The following C2orf80 variants were observed in gnomAD, a reference collection of about 807,000 sequenced individuals.
C2orf80 encodes uncharacterized protein C2orf80.
C2orf80 carries 28 observed loss-of-function variants against 30.2 expected under a neutral mutation model. The ratio of observed to expected loss-of-function variants is 0.93; its 90% CI spans 0.69 to 1.27. The LOEUF (loss-of-function observed/expected upper bound fraction) is 1.27. Ranked by LOEUF, C2orf80 falls within the 50% of genes most tolerant of loss-of-function variation. The pLI, the probability that C2orf80 is intolerant of heterozygous loss-of-function variation, is 0.00. For missense variants in C2orf80, 220 were observed against 231.0 expected (o/e 0.95, Z 0.31); for synonymous variants, 80 against 76.4 (o/e 1.05, Z -0.24).
rs56730997 is a variant in C2orf80 at position 208,176,973 on chromosome 2, A to ATCTGTATACAGATG, written c.366+3771_366+3772insCATCTGTATACAGA. 4.3e-5 allele frequency among the ~76,000 whole-genome samples: 4 copies of ATCTGTATACAGATG among 92,240 alleles called. 1 individual carries two copies. The highest frequency in any genetic ancestry group is 1.6e-4 in the African/African-American group (4 of 25,720). The allele number at this position is 92,240 out of a possible 152,430, so 60.5% of individuals were successfully genotyped here. On this transcript the variant is annotated intron_variant, in intron 6 of 8. Coordinates refer to ENST00000341287, the MANE Select transcript of C2orf80 (RefSeq NM_001099334.3). ...CATATCTGTATACATATGTATACATATATACAGAAATGTATATGTATACAT... is the reference window on the plus strand; with the variant it reads ...CATATCTGTATACATATGTATACATATCTGTATACAGATGTATACAGAAATGTATATGTATACAT...
rs1696334307 is a variant in C2orf80, at chr2:208,176,926, CATATGTAT to C, written c.366+3811_366+3818del. On this transcript the variant is annotated intron_variant, in intron 6 of 8. Coordinates refer to ENST00000341287, the MANE Select transcript of C2orf80 (RefSeq NM_001099334.3). ...ATATCTGTGTATACATATCTGTATA[CATATGTAT>C]ACATATCTGTATACATATCTGTATA... 1.2e-4 allele frequency among the ~76,000 whole-genome samples: 10 copies of C among 80,202 alleles called. 1 individual carries two copies. In the South Asian group the frequency reaches 3.9e-3, roughly 32 times the overall value. 52.6% of individuals were successfully genotyped at this position (80,202 alleles called of 152,430 possible).
chr2:208,175,220 G>T (rs960262358), intron 6 of C2orf80, among the ~76,000 whole-genome samples: 7 of 150,760 alleles, frequency 4.6e-5, no homozygotes, highest in South Asian at 2.1e-4. Context: ...CCGGGGGGGG[G>T]GGGGGCGGAG....
chr2:208,174,243 G>T (rs1696204638), intron 6 of C2orf80, among the ~76,000 whole-genome samples: 1 of 152,046 alleles, frequency 6.6e-6, no homozygotes, highest in African/African-American at 2.4e-5. Context: ...TACTGCGCCT[G>T]GCCAATTCCT....
intron 8 of C2orf80, among the ~76,000 whole-genome samples, chr2:208,166,806 C>A (rs974129456): frequency 6.6e-6 from 1 of 152,068 alleles, no homozygotes; most frequent in Admixed American, 6.5e-5. Flanking sequence ...GGCGCCACCA[C>A]GCCCAACTAA....
intron 2 of C2orf80, among the ~76,000 whole-genome samples, chr2:208,185,929 A>T (rs1696705294): frequency 6.6e-6 from 1 of 152,210 alleles, no homozygotes; most frequent in Non-Finnish European, 1.5e-5. Context: ...ATTCCTGATC[A>T]TGGTTTGTTC....
In C2orf80 at chr2:208,172,011, G is replaced by C. The variant is rs891586455; in HGVS notation, c.431C>G (p.Ala144Gly). The change falls in exon 7 of 9, where the codon GCA becomes GGA. Residue 144 changes from alanine (A) to glycine (G), a missense_variant. By Grantham distance (60) the Ala-to-Gly change is moderately conservative. Coordinates refer to ENST00000341287, the MANE Select transcript of C2orf80 (RefSeq NM_001099334.3). ...ACTCTGTTTGCGGGCGTATGCTGCT[G>C]CTTTGGGTGCTGTTAACATGGCAAA... ...HPFAMLTAPK[A>G]AAYARKQSVK... The C allele has an allele frequency of 8.7e-6, 14 of 1,613,912 alleles. No individual in the cohort carries two copies. The highest frequency in any genetic ancestry group is 1.2e-5 in the Non-Finnish European group (14 of 1,179,804).
At chr2:208,169,269 T>TTTTGTGTGTGTG (rs1553595423) in intron 8 of C2orf80, among the ~76,000 whole-genome samples, 1 of 137,968 alleles carries the variant, frequency 7.2e-6, no homozygotes, top group South Asian at 2.4e-4. Flanking sequence ...AAAGTCTAGA[T>TTTTGTGTGTGTG]TGTGTGTGTG....
intron 3 of C2orf80, 139 bp downstream of exon 3, chr2:208,184,812 G>T: frequency 1.7e-6 from 1 of 593,928 alleles, no homozygotes; most frequent in Non-Finnish European, 3.0e-6. Flanking sequence ...ATCTCAGGGT[G>T]AGGGGAAGAT....
intron 3 of C2orf80, 40 bp downstream of exon 3, chr2:208,184,911 A>G (rs771931222): frequency 5.3e-6 from 8 of 1,511,752 alleles, no homozygotes; most frequent in South Asian, 2.2e-5. Flanking sequence ...TAATACACAT[A>G]TAACACAAAT....
At chr2:208,189,587 C>T (rs552148409) in intron 1 of C2orf80, among the ~76,000 whole-genome samples, 8 of 152,320 alleles carry the variant, frequency 5.3e-5, no homozygotes, top group African/African-American at 1.2e-4. Context: ...TTAGTAGCTA[C>T]GCCTGGTCTA....
At chr2:208,189,543 C>A (rs6704765) in intron 1 of C2orf80, among the ~76,000 whole-genome samples, 2 of 152,110 alleles carry the variant, frequency 1.3e-5, no homozygotes, top group African/African-American at 4.8e-5. Context: ...GGAGAGGTCC[C>A]TTACAGCTGT....
chr2:208,183,041 A>G lies in C2orf80; in HGVS notation c.130T>C (p.Tyr44His). The stretch of plus-strand genomic sequence containing the variant: ...AAAGCAACACTGATGGCCAAGTCAT[A>G]GTGTGCCTGGGAGCAGGAAGCACAG... ...QLTFLDDMAH[Y>H]DLAISVALQW... The change falls in exon 4 of 9, where the codon TAT becomes CAT. Residue 44 changes from tyrosine (Y) to histidine (H), a missense_variant. Physicochemically the swap from Tyr to His is moderately conservative, Grantham distance 83. Transcript: ENST00000341287. 6.2e-7 allele frequency: 1 copy of G among 1,613,954 alleles called. No individual in the cohort carries two copies. The highest frequency in any genetic ancestry group is 8.5e-7 in the Non-Finnish European group (1 of 1,179,800).
rs773998238 is a variant in C2orf80 at position 208,180,736 on chromosome 2, C to A, written c.366+9G>T. ...ATCCCTTCTATTGACAATCCCAGGT[C>A]ACCCTTACCTTGATGGTACCAGAAT... On this transcript the variant is annotated intron_variant, in intron 6 of 8. Coordinates refer to ENST00000341287, the MANE Select transcript of C2orf80 (RefSeq NM_001099334.3). 1 of 1,607,404 alleles carries A rather than the reference C, an allele frequency of 6.2e-7. No homozygotes were observed. Among genetic ancestry groups the A allele is most frequent in the Non-Finnish European group, 8.5e-7 (1 of 1,176,504 alleles).
At position 208,165,661 on chromosome 2, in the gene C2orf80, C is replaced by T; in HGVS notation, c.*146G>A. The T allele has an allele frequency of 9.6e-7, 1 of 1,037,720 alleles. No homozygotes were observed. Among genetic ancestry groups the T allele is most frequent in the African/African-American group, 1.6e-5 (1 of 61,004 alleles). The allele number at this position is 1,037,720 out of a possible 1,614,324, so 64.3% of individuals were successfully genotyped here. The stretch of plus-strand genomic sequence containing the variant: ...AATATGCTTCTAAAAGAAGAAAGCT[C>T]AACATCAAAAATAACACTTCAGTGC... On this transcript the variant is annotated 3_prime_UTR_variant, in exon 9 of 9. Coordinates refer to ENST00000341287, the MANE Select transcript of C2orf80 (RefSeq NM_001099334.3).
intron 1 of C2orf80, 184 bp downstream of exon 1, chr2:208,189,769 T>G: frequency 1.6e-6 from 1 of 608,480 alleles, no homozygotes; most frequent in Non-Finnish European, 2.9e-6. Context: ...AGGCTTTAGC[T>G]GTTTCATAGA....
chr2:208,172,269 GC>G (rs1351235771), intron 6 of C2orf80, among the ~76,000 whole-genome samples, 194 bp from the exon 7 acceptor site: 1 of 152,108 alleles, frequency 6.6e-6, no homozygotes, highest in Non-Finnish European at 1.5e-5. Context: ...TGCACACATG[GC>G]CTTTTGTTCC....
intron 3 of C2orf80, among the ~76,000 whole-genome samples, chr2:208,183,498 A>C (rs952624123): frequency 6.6e-6 from 1 of 152,264 alleles, no homozygotes; most frequent in South Asian, 2.1e-4. Flanking sequence ...ACAGGGCTGC[A>C]GGGAACAATT....
chr2:208,181,344 T>C (rs1212604442), intron 4 of C2orf80, 39 bp from the exon 5 acceptor site: 41 of 1,357,698 alleles, frequency 3.0e-5, no homozygotes, highest in Non-Finnish European at 4.0e-5. Flanking sequence ...AGATTTATTC[T>C]TGTTCTTTTT....
chr2:208,180,691 T>C, intron 6 of C2orf80, 54 bp downstream of exon 6: 1 of 1,355,888 alleles, frequency 7.4e-7, no homozygotes, highest in Non-Finnish European at 1.0e-6. Context: ...ATTTATACAC[T>C]AAATAAATTA....
Sources: allele counts gnomAD v4.1 joint callset (sites outside exome capture counted in the v4.1 genomes callset), GRCh38; gene constraint gnomAD v4.1.1; transcripts MANE v1.5; gene names NCBI Gene and HGNC (gene_info 2026-07-23, HGNC 2026-07-21).